Variants in OTOF observed in about 807,000 individuals in gnomAD.
The protein encoded by OTOF is otoferlin.
OTOF carries 218 observed loss-of-function variants against 236.8 expected under a neutral mutation model. The ratio of observed to expected loss-of-function variants is 0.92; its 90% CI spans 0.82 to 1.03. OTOF has a LOEUF of 1.03. OTOF is among the 50% of genes least tolerant of loss of function. The probability of loss-of-function intolerance (pLI) is 0.00; values close to 1 mark genes in which losing one functional copy is unlikely to be tolerated. For missense variants in OTOF, 2,590 were observed against 2,694.4 expected (o/e 0.96, Z 0.86); for synonymous variants, 1,041 against 1,072.5 (o/e 0.97, Z 0.57).
intron 1 of OTOF, among the ~76,000 whole-genome samples, chr2:26,544,344 T>C (rs1667279598): frequency 6.6e-6 from 1 of 152,234 alleles, no homozygotes; most frequent in African/African-American, 2.4e-5. Flanking sequence ...TTCCAGTCGA[T>C]TTCTAGTCCC....
In OTOF at chr2:26,473,893, C is replaced by G; in HGVS notation, c.3408+98G>C. 6.6e-7 allele frequency: 1 copy of G among 1,518,374 alleles called. No individual in the cohort carries two copies. The highest frequency in any genetic ancestry group is 9.1e-7 in the Non-Finnish European group (1 of 1,095,166). 94.1% of individuals were successfully genotyped at this position (1,518,374 alleles called of 1,614,324 possible). A position where few individuals can be genotyped will look rare whatever the true frequency, so the allele number is the denominator to read the frequency against. On this transcript the variant is annotated intron_variant, in intron 27 of 46. Coordinates refer to ENST00000272371, the MANE Select transcript of OTOF (RefSeq NM_194248.3). This position sits in a 1 kb window ranked among gnomAD's most constrained non-coding sequence, Gnocchi z 7.2. The stretch of plus-strand genomic sequence containing the variant: ...CAGGAGCCTGGGTCTGCTGCTGGCT[C>G]CTGGTGATGGTGGTGGGAGGGGGAT...
intron 1 of OTOF, among the ~76,000 whole-genome samples, chr2:26,550,468 T>C (rs1392399700): frequency 6.6e-6 from 1 of 152,180 alleles, no homozygotes; most frequent in East Asian, 1.9e-4. Context: ...ATGCTGCTGC[T>C]GGGAAAGCAG....
intron 5 of OTOF, among the ~76,000 whole-genome samples, chr2:26,510,388 C>T (rs191964409): frequency 2.0e-4 from 30 of 152,232 alleles, no homozygotes; most frequent in Admixed American, 1.9e-3. Flanking sequence ...CCCAGGGAAG[C>T]CCGAAGGCCA....
rs1407671729 is a variant in OTOF at position 26,477,370 on chromosome 2, C to T, written c.2406+46G>A. On this transcript the variant is annotated intron_variant, in intron 20 of 46. Coordinates refer to ENST00000272371, the MANE Select transcript of OTOF (RefSeq NM_194248.3). The surrounding 1 kb of genome is among the most constrained non-coding windows in gnomAD (Gnocchi z 4.7). ...CAAAGGGGGTTGTGACACCTTCTCA[C>T]AACCAGGCCCTCCCTCCAGCCCCCG... is the stretch of plus-strand genomic sequence containing the variant. The T allele has an allele frequency of 1.3e-6, 2 of 1,571,958 alleles. No homozygotes were observed. The highest frequency in any genetic ancestry group is 1.7e-6 in the Non-Finnish European group (2 of 1,156,694).
rs778781863 is a variant in OTOF at position 26,479,548 on chromosome 2, T to C, written c.2018A>G (p.Asp673Gly). 3.7e-6 allele frequency: 6 copies of C among 1,612,338 alleles called. No homozygotes were observed. The highest frequency in any genetic ancestry group is 4.2e-6 in the Non-Finnish European group (5 of 1,179,862). The change falls in exon 17 of 47, where the codon GAT becomes GGT. Residue 673 changes from aspartate (D) to glycine (G), a missense_variant. Asp to Gly is a moderately conservative substitution (Grantham distance 94, BLOSUM62 -1). Coordinates refer to ENST00000272371, the MANE Select transcript of OTOF (RefSeq NM_194248.3). ...EEVDLIQNAS[D>G]DEAGDAGDLA... Reference sequence around the variant, plus strand: ...GTCCCCGGCATCACCGGCCTCGTCATCACTTGCGTTCTGAATCAGGTCTAC... The same window carrying C: ...GTCCCCGGCATCACCGGCCTCGTCACCACTTGCGTTCTGAATCAGGTCTAC...
At chr2:26,498,813 C>A (rs973538368) in intron 8 of OTOF, among the ~76,000 whole-genome samples, 2 of 152,164 alleles carry the variant, frequency 1.3e-5, no homozygotes. Flanking sequence ...AGAGTTGGTG[C>A]GCCCTTTAGT....
At chr2:26,464,133 C>T in intron 39 of OTOF, 27 bp from the exon 40 acceptor site, 1 of 1,612,402 alleles carries the variant, frequency 6.2e-7, no homozygotes, top group Non-Finnish European at 8.5e-7. Flanking sequence ...CTCAGCTGCA[C>T]ACATGGCTCA....
intron 33 of OTOF, among the ~76,000 whole-genome samples, chr2:26,468,048 T>C (rs1411724893): frequency 6.6e-6 from 1 of 152,260 alleles, no homozygotes; most frequent in African/African-American, 2.4e-5. Flanking sequence ...CAGCTTTTCC[T>C]AAACTAATTT....
intron 5 of OTOF, among the ~76,000 whole-genome samples, chr2:26,504,085 G>A (rs1168542487): frequency 3.3e-5 from 5 of 152,158 alleles, no homozygotes; most frequent in African/African-American, 1.2e-4. Context: ...ACACGGAGGA[G>A]AGGGATGGGG....
At chr2:26,463,824 G>T (rs1047655374) in intron 40 of OTOF, 140 bp downstream of exon 40, 9 of 1,152,726 alleles carry the variant, frequency 7.8e-6, no homozygotes, top group Non-Finnish European at 1.2e-5. Flanking sequence ...ACCCTGAGGG[G>T]CCTTGGTGGG....
intron 1 of OTOF, among the ~76,000 whole-genome samples, chr2:26,556,210 C>A (rs1667581642): frequency 6.6e-6 from 1 of 152,240 alleles, no homozygotes; most frequent in Non-Finnish European, 1.5e-5. Context: ...GTGTCTCCCT[C>A]TGCGTGTTTA....
rs2148045362 is a variant in OTOF, at chr2:26,474,802, G to A, written c.3127-128C>T. On this transcript the variant is annotated intron_variant, in intron 25 of 46. Transcript: ENST00000272371. ...TGTGATCACCCCATTTTACAGATGA[G>A]GAAACCAAGTCTCAGGGCCCACCAA... 4.8e-6 allele frequency: 5 copies of A among 1,052,428 alleles called. No homozygotes were observed. In the East Asian group the frequency reaches 1.3e-4, roughly 27 times the overall value. 65.2% of individuals were successfully genotyped at this position (1,052,428 alleles called of 1,614,324 possible).
chr2:26,555,488 T>A (rs1455953177), intron 1 of OTOF, among the ~76,000 whole-genome samples: 1 of 152,208 alleles, frequency 6.6e-6, no homozygotes, highest in East Asian at 1.9e-4. Context: ...CCAGGGGCAG[T>A]AAGAACTAAG....
intron 3 of OTOF, among the ~76,000 whole-genome samples, chr2:26,524,415 A>G (rs1230520144): frequency 6.6e-6 from 1 of 152,220 alleles, no homozygotes; most frequent in Non-Finnish European, 1.5e-5. Flanking sequence ...AGGCCAAGAC[A>G]TGAGAATCAC....
rs759486146 is a variant in OTOF, at chr2:26,460,093, G to A, written c.5926C>T (p.Leu1976Phe). The A allele has an allele frequency of 3.2e-6, 5 of 1,580,714 alleles. No homozygotes were observed. The highest frequency in any genetic ancestry group is 4.6e-5 in the East Asian group (2 of 43,742). Residue 1976 changes from leucine (L) to phenylalanine (F), a missense_variant, in exon 46 of 47, where the codon CTC (leucine) becomes TTC (phenylalanine). Physicochemically the swap from Leu to Phe is conservative, Grantham distance 22. Transcript: ENST00000272371. The surrounding 1 kb of genome is among the most constrained non-coding windows in gnomAD (Gnocchi z 5.3). ...LLKLLLLLLL[L>F]LLLALFLYSV... ...TAGAGGAACAGGGCGAGGAGGAGGA[G>A]CAGCAGCAGGAGCAGCAACAGTTTG...
intron 2 of OTOF, among the ~76,000 whole-genome samples, chr2:26,528,742 C>T (rs562786875): frequency 6.6e-6 from 1 of 152,342 alleles, no homozygotes; most frequent in South Asian, 2.1e-4. Context: ...GGCCCTGTTA[C>T]CTCCAACCAT....
At chr2:26,488,385 G>T (rs1665750750) in intron 11 of OTOF, among the ~76,000 whole-genome samples, 1 of 152,156 alleles carries the variant, frequency 6.6e-6, no homozygotes, top group Non-Finnish European at 1.5e-5. Flanking sequence ...AGGGACACAG[G>T]GTGGTCCCTA....
In OTOF at chr2:26,479,541, C is replaced by T. The variant is rs61746988; in HGVS notation, c.2025G>A (p.Glu675=). 8.7e-3 allele frequency: 13,944 copies of T among 1,611,448 alleles called. 88 individuals carry two copies. The highest frequency in any genetic ancestry group is 0.017 in the Middle Eastern group (104 of 6,058). ...VDLIQNASDD[E]AGDAGDLASV... ...AGGCCAGGTCCCCGGCATCACCGGC[C>T]TCGTCATCACTTGCGTTCTGAATCA... Residue 675 remains glutamate, a synonymous_variant, in exon 17 of 47, where the codon GAG becomes GAA. Transcript: ENST00000272371.
At chr2:26,466,203 G>A in intron 36 of OTOF, 127 bp from the exon 37 acceptor site, 1 of 1,196,434 alleles carries the variant, frequency 8.4e-7, no homozygotes, top group South Asian at 1.3e-5. Context: ...CCCCTCAGGA[G>A]GCTTGCTGTG....
Sources: gnomAD v4.1 joint callset for allele counts (sites outside exome capture counted in the v4.1 genomes callset) on GRCh38, gnomAD v4.1.1 for gene constraint, Gnocchi (gnomAD v3.1) non-coding constraint, MANE v1.5 for transcripts, NCBI Gene and HGNC (gene_info 2026-07-23, HGNC 2026-07-21) for gene names.